PRKG1: variants seen among roughly 807,000 people sequenced by gnomAD.
PRKG1 encodes protein kinase cGMP-dependent 1.
A neutral mutation model predicts 88.1 loss-of-function variants in PRKG1; 35 were observed. The ratio of observed to expected loss-of-function variants is 0.40; its 90% CI spans 0.30 to 0.53. PRKG1 has a LOEUF of 0.53. Among genes scored for constraint, PRKG1 ranks in the 20% least tolerant of loss-of-function variants. The pLI, the probability that PRKG1 is intolerant of heterozygous loss-of-function variation, is 0.59. For missense variants in PRKG1, 540 were observed against 839.8 expected (o/e 0.64, Z 4.41); for synonymous variants, 303 against 292.5 (o/e 1.04, Z -0.37).
At chr10:51,825,251 C>G (rs746616287) in intron 4 of PRKG1, among the ~76,000 whole-genome samples, 1 of 152,052 alleles carries the variant, frequency 6.6e-6, no homozygotes, top group Non-Finnish European at 1.5e-5. Flanking sequence ...TAATAGAGAC[C>G]AACTAAGTAT....
At chr10:51,447,310 G>A (rs942467167) in intron 2 of PRKG1, among the ~76,000 whole-genome samples, 6 of 151,988 alleles carry the variant, frequency 3.9e-5, no homozygotes, top group African/African-American at 1.4e-4. Flanking sequence ...CCCCAGTGCT[G>A]CAACTCTCCC....
chr10:51,479,805 T>C (rs1840303499), intron 3 of PRKG1, among the ~76,000 whole-genome samples: 1 of 152,072 alleles, frequency 6.6e-6, no homozygotes, highest in Non-Finnish European at 1.5e-5. Context: ...TCTAAAGATA[T>C]GTTCAACAGT....
chr10:51,211,592 T>C (rs1322114992), intron 2 of PRKG1, among the ~76,000 whole-genome samples: 1 of 152,158 alleles, frequency 6.6e-6, no homozygotes, highest in Non-Finnish European at 1.5e-5. Context: ...AAAATCTCCT[T>C]AAGCTGATAA....
chr10:51,777,418 T>C (rs1714976690), intron 3 of PRKG1, among the ~76,000 whole-genome samples: 1 of 152,098 alleles, frequency 6.6e-6, no homozygotes, highest in Non-Finnish European at 1.5e-5. Context: ...TAGCATTCTG[T>C]GCATCTATCA....
At chr10:52,245,130 T>C (rs920736118) in intron 9 of PRKG1, among the ~76,000 whole-genome samples, 3 of 151,846 alleles carry the variant, frequency 2.0e-5, no homozygotes, top group Admixed American at 6.6e-5. Context: ...ATTCAGTACA[T>C]GGCCAGCATT....
At chr10:51,670,701 A>G (rs957396945) in intron 3 of PRKG1, among the ~76,000 whole-genome samples, 3 of 148,684 alleles carry the variant, frequency 2.0e-5, no homozygotes, top group Admixed American at 6.8e-5. Flanking sequence ...CCGCCACTGC[A>G]CTCCAGCCTG....
upstream of PRKG1, among the ~76,000 whole-genome samples, chr10:51,071,083 T>C (rs1262455353): frequency 6.6e-6 from 1 of 152,224 alleles, no homozygotes. Context: ...ATCTTTGATC[T>C]TGTAATTTAG....
At chr10:51,771,927 T>A (rs1208732319) in intron 3 of PRKG1, among the ~76,000 whole-genome samples, 1 of 152,142 alleles carries the variant, frequency 6.6e-6, no homozygotes, top group Non-Finnish European at 1.5e-5. Flanking sequence ...CAAAGATGAC[T>A]TTCCTTTCTT....
At chr10:51,843,642 G>A (rs770375032) in intron 4 of PRKG1, among the ~76,000 whole-genome samples, 2 of 152,180 alleles carry the variant, frequency 1.3e-5, no homozygotes, top group Non-Finnish European at 2.9e-5. Context: ...CACAGGCATA[G>A]AAGAGCATGG....
At position 52,038,470 on chromosome 10, in the gene PRKG1, G is replaced by A. The variant is rs183343098; in HGVS notation, c.763-16014G>A. Among the ~76,000 whole-genome samples the A allele has an allele frequency of 4.6e-3, 693 of 151,864 alleles. 3 individuals carry two copies. The highest frequency in any genetic ancestry group is 8.2e-3 in the East Asian group (42 of 5,132). ...GCACAGAGATATAAGAGGTTGGGGC[G>A]CGGAAATAAGGGATTGGGGCACAGA... On this transcript the variant is annotated intron_variant, in intron 5 of 17. Coordinates refer to ENST00000373980, the MANE Select transcript of PRKG1 (RefSeq NM_006258.4).
chr10:52,132,787 T>A (rs1006761474), intron 7 of PRKG1, among the ~76,000 whole-genome samples: 6 of 152,098 alleles, frequency 3.9e-5, no homozygotes, highest in Admixed American at 2.6e-4. Context: ...AAATTATTTT[T>A]AAAAATTCTC....
chr10:52,169,588 G>A (rs1000974212), intron 9 of PRKG1, among the ~76,000 whole-genome samples: 5 of 152,122 alleles, frequency 3.3e-5, no homozygotes, highest in African/African-American at 7.2e-5. Flanking sequence ...TTCAAGAATG[G>A]GGGAAGAAAC....
At chr10:51,475,929 G>A (rs377348036) in intron 3 of PRKG1, among the ~76,000 whole-genome samples, 4 of 151,944 alleles carry the variant, frequency 2.6e-5, no homozygotes, top group Admixed American at 1.3e-4. Context: ...TGATAACAAA[G>A]GTGAATGGAC....
intron 3 of PRKG1, among the ~76,000 whole-genome samples, chr10:51,660,190 T>G (rs1044905211): frequency 6.8e-6 from 1 of 146,982 alleles, no homozygotes; most frequent in African/African-American, 2.5e-5. Context: ...CAGTGACAAA[T>G]GACACAGGAA....
intron 4 of PRKG1, among the ~76,000 whole-genome samples, chr10:51,870,955 C>T (rs1251436262): frequency 6.6e-6 from 1 of 152,174 alleles, no homozygotes; most frequent in African/African-American, 2.4e-5. Context: ...CCACTTTACC[C>T]CACCCCCTAG....
chr10:51,151,130 CAAAAAA>C (rs56202198), intron 1 of PRKG1, among the ~76,000 whole-genome samples: 77 of 119,872 alleles, frequency 6.4e-4, no homozygotes, highest in African/African-American at 2.3e-3. Context: ...CACTCTCTGA[CAAAAAA>C]AAAAAAAAAA....
chr10:51,721,580 G>A (rs1842014469), intron 3 of PRKG1, among the ~76,000 whole-genome samples: 1 of 152,152 alleles, frequency 6.6e-6, no homozygotes, highest in Non-Finnish European at 1.5e-5. Flanking sequence ...TACTCCAAGG[G>A]AAGCACAAGG....
chr10:51,997,978 A>G (rs1412212085), intron 5 of PRKG1, among the ~76,000 whole-genome samples: 1 of 152,142 alleles, frequency 6.6e-6, no homozygotes, highest in African/African-American at 2.4e-5. Flanking sequence ...TTCTATTCTC[A>G]GAAAGAAAGC....
chr10:51,235,675 TTC>T (rs1324932847), intron 2 of PRKG1, among the ~76,000 whole-genome samples: 3 of 152,178 alleles, frequency 2.0e-5, no homozygotes, highest in African/African-American at 7.2e-5. Flanking sequence ...CACAGAGATT[TTC>T]TGATAGAACA....
Sources: allele counts gnomAD v4.1 joint callset (sites outside exome capture counted in the v4.1 genomes callset), GRCh38; gene constraint gnomAD v4.1.1; transcripts MANE v1.5; gene names NCBI Gene and HGNC (gene_info 2026-07-23, HGNC 2026-07-21).